Variants in LY9 observed in about 807,000 individuals in gnomAD.
The protein encoded by LY9 is T-lymphocyte surface antigen Ly-9.
In LY9, 59 loss-of-function variants were observed where a neutral mutation model predicts 64.6. The observed-to-expected ratio is 0.91, with a 90% confidence interval of 0.74 to 1.13. The LOEUF is 1.13. Ranked by LOEUF, LY9 falls within the 50% of genes most tolerant of loss-of-function variation. The pLI, the probability that LY9 is intolerant of heterozygous loss-of-function variation, is 0.00. For missense variants in LY9, 789 were observed against 797.2 expected (o/e 0.99, Z 0.12); for synonymous variants, 281 against 308.5 (o/e 0.91, Z 0.93).
At chr1:160,804,302 G>A (rs570857281) in intron 2 of LY9, among the ~76,000 whole-genome samples, 27 of 151,928 alleles carry the variant, frequency 1.8e-4, no homozygotes, top group Non-Finnish European at 2.9e-4. Context: ...TTCAGGAAGG[G>A]ATTTGGACTG....
At chr1:160,807,262 T>C (rs1172523547) in intron 2 of LY9, among the ~76,000 whole-genome samples, 3 of 152,132 alleles carry the variant, frequency 2.0e-5, no homozygotes, top group Non-Finnish European at 4.4e-5. Flanking sequence ...GTTGTTGGGG[T>C]AGGGCACTCT....
At chr1:160,810,965 C>G (rs937156290) in intron 2 of LY9, 1 of 152,252 alleles carries the variant, frequency 6.6e-6, no homozygotes, top group African/African-American at 2.4e-5. Flanking sequence ...AAGTCCAAAA[C>G]CTAACAGGGT....
intron 6 of LY9, among the ~76,000 whole-genome samples, chr1:160,819,110 C>CAG (rs1001134693): frequency 1.3e-5 from 2 of 152,140 alleles, no homozygotes; most frequent in African/African-American, 4.8e-5. Context: ...CAGGAAGCTC[C>CAG]AGAGCCTCCA....
At chr1:160,825,029 C>T (rs965959023) in intron 9 of LY9, among the ~76,000 whole-genome samples, 2 of 150,348 alleles carry the variant, frequency 1.3e-5, no homozygotes, top group Non-Finnish European at 3.0e-5. Context: ...ATGGTGAAAC[C>T]CTGTCTTTAT....
Position 160,800,030 on chromosome 1 carries a change from C to G in LY9, c.402C>G (p.Asn134Lys). ...CAGGATCCTACAAAGCCCAGATAAA[C>G]CAAAGGAATTTTGAAGTCACCACTG... ...NDAGSYKAQINQRNFEVTTEE... is the reference protein window; with the variant it reads ...NDAGSYKAQIKQRNFEVTTEE... Residue 134 changes from asparagine (N) to lysine (K), a missense_variant, in exon 2 of 10, where the codon AAC becomes AAG. Coordinates refer to ENST00000263285, the MANE Select transcript of LY9 (RefSeq NM_002348.4). 6 of 1,614,160 alleles carry G rather than the reference C, an allele frequency of 3.7e-6. No individual in the cohort carries two copies. The highest frequency in any genetic ancestry group is 4.2e-6 in the Non-Finnish European group (5 of 1,180,012).
rs1288780402 is a variant in LY9 at position 160,814,688 on chromosome 1, C to T, written c.999C>T (p.Gly333=). ...GCCAGCTGAAGATAGAGGACGCCGG[C>T]CCCTACCATGCCTACGTGTGCTCAG... ...KISQLKIEDA[G]PYHAYVCSEA... The change falls in exon 4 of 10, where the codon GGC becomes GGT. Residue 333 remains glycine, a synonymous_variant. Transcript: ENST00000263285. The T allele has an allele frequency of 6.2e-7, 1 of 1,614,100 alleles. No homozygotes were observed.
intron 9 of LY9, chr1:160,824,493 C>G: frequency 1.0e-6 from 1 of 985,040 alleles, no homozygotes; most frequent in South Asian, 4.7e-5. Flanking sequence ...ATTTTTAACA[C>G]TGACCTGAAT....
chr1:160,802,034 C>A, intron 2 of LY9: 1 of 1,450,926 alleles, frequency 6.9e-7, no homozygotes, highest in Non-Finnish European at 9.1e-7. Context: ...CACTGCCCCC[C>A]GAGGCTGCTA....
chr1:160,814,775 C>A lies in LY9; in HGVS notation c.1072+14C>A. 3 of 1,598,174 alleles carry A rather than the reference C, an allele frequency of 1.9e-6. No individual in the cohort carries two copies. In the South Asian group the frequency reaches 3.4e-5, roughly 18 times the overall value. ...TGCTCATCTACCGTGAGTCTCTGGGCAGGGCACCCATCACCAGATTCCTTC... is the reference window on the plus strand; with the variant it reads ...TGCTCATCTACCGTGAGTCTCTGGGAAGGGCACCCATCACCAGATTCCTTC... On this transcript the variant is annotated intron_variant, in intron 4 of 9. Transcript: ENST00000263285.
In LY9 at chr1:160,823,675, G is replaced by A. The variant is rs1289987409; in HGVS notation, c.1709G>A (p.Gly570Asp). 1 of 1,613,998 alleles carries A rather than the reference G, an allele frequency of 6.2e-7. No homozygotes were observed. Among genetic ancestry groups the A allele is most frequent in the Non-Finnish European group, 8.5e-7 (1 of 1,179,990 alleles). Residue 570 changes from glycine to aspartate, a missense_variant, in exon 8 of 10, where the codon GGC becomes GAC. Coordinates refer to ENST00000263285, the MANE Select transcript of LY9 (RefSeq NM_002348.4). ...YEVFDQVTQE[G>D]AGHDPAPEGQ... Reference sequence around the variant, plus strand: ...GTATTTGACCAGGTCACTCAGGAGGGCGCTGGACATGACCCAGCCCCTGAG... The same window carrying A: ...GTATTTGACCAGGTCACTCAGGAGGACGCTGGACATGACCCAGCCCCTGAG...
At chr1:160,822,140 A>C (rs929713568) in intron 7 of LY9, among the ~76,000 whole-genome samples, 3 of 152,246 alleles carry the variant, frequency 2.0e-5, no homozygotes, top group African/African-American at 7.2e-5. Flanking sequence ...CGTGCCGGGA[A>C]AGTTTAGGAC....
At chr1:160,809,332 A>G (rs1667270984) in intron 2 of LY9, among the ~76,000 whole-genome samples, 2 of 125,174 alleles carry the variant, frequency 1.6e-5, no homozygotes. Context: ...TAAATCCTGA[A>G]TTTATTATTA....
chr1:160,807,185 G>A (rs954240895), intron 2 of LY9, among the ~76,000 whole-genome samples: 1 of 152,026 alleles, frequency 6.6e-6, no homozygotes, highest in African/African-American at 2.4e-5. Flanking sequence ...GTATCTCACT[G>A]AGCTTCTTCT....
intron 2 of LY9, among the ~76,000 whole-genome samples, chr1:160,804,863 A>G (rs866250629): frequency 6.6e-6 from 1 of 151,916 alleles, no homozygotes; most frequent in East Asian, 1.9e-4. Context: ...TAGGCTTTTC[A>G]GTTTGTCAGA....
At chr1:160,801,156 G>C (rs1449680012) in intron 2 of LY9, among the ~76,000 whole-genome samples, 1 of 151,952 alleles carries the variant, frequency 6.6e-6, no homozygotes, top group Non-Finnish European at 1.5e-5. Context: ...GTTTTGCATA[G>C]TGGCTGTACT....
intron 2 of LY9, among the ~76,000 whole-genome samples, chr1:160,805,615 G>C (rs186795531): frequency 9.2e-5 from 14 of 152,100 alleles, no homozygotes; most frequent in Admixed American, 7.9e-4. Context: ...AGGTCCATTT[G>C]GTCCAAACTC....
intron 2 of LY9, chr1:160,802,033 C>G (rs969298084): frequency 3.4e-6 from 5 of 1,453,910 alleles, no homozygotes; most frequent in East Asian, 2.5e-5. Flanking sequence ...CCACTGCCCC[C>G]CGAGGCTGCT....
At chr1:160,805,741 TCACA>T (rs60721619) in intron 2 of LY9, among the ~76,000 whole-genome samples, 5,294 of 140,604 alleles carry the variant, frequency 0.038, 147 homozygotes, top group East Asian at 0.055. Flanking sequence ...TCTCTCTGTC[TCACA>T]CACACACACA....
chr1:160,819,858 AGGG>A (rs1557814589), intron 7 of LY9, among the ~76,000 whole-genome samples: 42 of 17,194 alleles, frequency 2.4e-3, no homozygotes, highest in South Asian at 8.7e-3. Context: ...GAAGGAAGGG[AGGG>A]AGGGAGGGAG....
Sources: allele counts gnomAD v4.1 joint callset (sites outside exome capture counted in the v4.1 genomes callset), GRCh38; gene constraint gnomAD v4.1.1; transcripts MANE v1.5; gene names NCBI Gene and HGNC (gene_info 2026-07-23, HGNC 2026-07-21).